The following CPS1 variants were observed in gnomAD, a reference collection of about 807,000 sequenced individuals.
CPS1 encodes carbamoyl-phosphate synthase [ammonia], mitochondrial.
CPS1 carries 109 observed loss-of-function variants against 174.6 expected under a neutral mutation model. The ratio of observed to expected loss-of-function variants is 0.62; its 90% CI spans 0.53 to 0.73. CPS1 has a LOEUF of 0.73. Ranked by LOEUF, CPS1 falls within the 30% of genes least tolerant of loss-of-function variation. The pLI, the probability that CPS1 is intolerant of heterozygous loss-of-function variation, is 0.00. For synonymous variants in CPS1, 637 were observed against 632.0 expected (o/e 1.01, Z -0.12); for missense variants, 1,689 against 1,821.9 (o/e 0.93, Z 1.33).
At chr2:210,494,921 T>C (rs1304809692) in intron 1 of CPS1, among the ~76,000 whole-genome samples, 1 of 152,210 alleles carries the variant, frequency 6.6e-6, no homozygotes, top group Non-Finnish European at 1.5e-5. Context: ...TATAAGGCAA[T>C]GGCTTTCAGC....
chr2:210,656,417 A>T, intron 29 of CPS1, 108 bp from the exon 30 acceptor site: 1 of 759,004 alleles, frequency 1.3e-6, no homozygotes, highest in Middle Eastern at 2.8e-4. Context: ...GGAACTACTT[A>T]GTGCTCAGTG....
chr2:210,637,925 G>T lies in CPS1; in HGVS notation c.2829+82G>T, dbSNP rs564191880. 12 of 1,488,974 alleles carry T rather than the reference G, an allele frequency of 8.1e-6. No homozygotes were observed. The African/African-American group carries it at 1.7e-4, about 21-fold the overall frequency. 92.2% of individuals were successfully genotyped at this position (1,488,974 alleles called of 1,614,324 possible). A position where few individuals can be genotyped will look rare whatever the true frequency, so the allele number is the denominator to read the frequency against. On this transcript the variant is annotated intron_variant, in intron 22 of 37. Coordinates refer to ENST00000233072, the MANE Select transcript of CPS1 (RefSeq NM_001875.5). ...GTAGGCACCCATTCAAAAGGCCATTGTTAATAAAAAGAGGAGTGGAATTAA... is the reference window on the plus strand; with the variant it reads ...GTAGGCACCCATTCAAAAGGCCATTTTTAATAAAAAGAGGAGTGGAATTAA...
At chr2:210,542,557 C>T (rs1308389806) in intron 1 of CPS1, among the ~76,000 whole-genome samples, 2 of 152,032 alleles carry the variant, frequency 1.3e-5, no homozygotes, top group African/African-American at 2.4e-5. Flanking sequence ...CCCCTCCTAA[C>T]AAAAACCAAT....
chr2:210,671,984 G>A (rs1013170895), intron 34 of CPS1: 1 of 152,088 alleles, frequency 6.6e-6, no homozygotes, highest in African/African-American at 2.4e-5. Context: ...ATGAGTGAAC[G>A]ATAGTCTTCC....
chr2:210,640,031 G>T lies in CPS1; in HGVS notation c.2931G>T (p.Met977Ile). The change falls in exon 24 of 38, where the codon ATG (methionine) becomes ATT (isoleucine). Residue 977 changes from methionine (M) to isoleucine (I), a missense_variant. By Grantham distance (10) the Met-to-Ile change is conservative (BLOSUM62 1). Transcript: ENST00000233072. ...HDVNFDDHGM[M>I]VLGCGPYHIG... The stretch of plus-strand genomic sequence containing the variant: ...TCAATTTTGATGACCATGGAATGAT[G>T]GTGCTAGGCTGTGGTCCATATCACA... 1 of 1,611,058 alleles carries T rather than the reference G, an allele frequency of 6.2e-7. No homozygotes were observed. The highest frequency in any genetic ancestry group is 1.7e-5 in the Admixed American group (1 of 60,016).
intron 1 of CPS1, among the ~76,000 whole-genome samples, chr2:210,480,041 AAAAC>A (rs545340368): frequency 1.3e-5 from 2 of 152,206 alleles, no homozygotes; most frequent in Non-Finnish European, 2.9e-5. Context: ...AAGAGGCCTC[AAAAC>A]ATAATCTCCA....
chr2:210,507,793 G>T (rs1174192736), intron 1 of CPS1, among the ~76,000 whole-genome samples: 2 of 152,068 alleles, frequency 1.3e-5, no homozygotes, highest in Non-Finnish European at 2.9e-5. Flanking sequence ...GCCATTACAT[G>T]ATGGTAAAGG....
chr2:210,674,751 G>A, intron 34 of CPS1, 151 bp from the exon 35 acceptor site: 1 of 698,516 alleles, frequency 1.4e-6, no homozygotes, highest in Non-Finnish European at 2.6e-6. Context: ...ACTCACCATA[G>A]AAGGATAAAA....
chr2:210,655,982 T>C (rs1435322836), intron 29 of CPS1, among the ~76,000 whole-genome samples: 1 of 152,162 alleles, frequency 6.6e-6, no homozygotes, highest in East Asian at 1.9e-4. Flanking sequence ...ACCTGGGTTA[T>C]TTATTATTAC....
At chr2:210,665,161 C>T (rs1701049945) in intron 33 of CPS1, among the ~76,000 whole-genome samples, 1 of 152,022 alleles carries the variant, frequency 6.6e-6, no homozygotes, top group South Asian at 2.1e-4. Flanking sequence ...AGTTAGTTGC[C>T]CAGTACTTGA....
At chr2:210,511,783 C>G (rs923077506) in intron 1 of CPS1, among the ~76,000 whole-genome samples, 1 of 152,044 alleles carries the variant, frequency 6.6e-6, no homozygotes, top group African/African-American at 2.4e-5. Context: ...TGAGGGAGGA[C>G]TATAGACTAA....
At chr2:210,508,117 C>A (rs1224380308) in intron 1 of CPS1, among the ~76,000 whole-genome samples, 1 of 150,590 alleles carries the variant, frequency 6.6e-6, no homozygotes, top group Admixed American at 6.6e-5. Context: ...AAATTGACCA[C>A]ATAGTTGGAA....
At chr2:210,591,366 C>G (rs534948615) in intron 9 of CPS1, among the ~76,000 whole-genome samples, 33 of 151,820 alleles carry the variant, frequency 2.2e-4, no homozygotes, top group African/African-American at 8.0e-4. Flanking sequence ...TCTTTTTTGC[C>G]TCAAACAATA....
chr2:210,526,016 T>C (rs946884938), intron 1 of CPS1, among the ~76,000 whole-genome samples: 1 of 151,596 alleles, frequency 6.6e-6, no homozygotes, highest in Middle Eastern at 3.2e-3. Context: ...GAGATGAGCA[T>C]GGAAAGGGAG....
chr2:210,485,929 A>G (rs1694703809), intron 1 of CPS1, among the ~76,000 whole-genome samples: 1 of 151,970 alleles, frequency 6.6e-6, no homozygotes, highest in African/African-American at 2.4e-5. Context: ...ACTTGTCAAT[A>G]CTTGGTATAT....
Position 210,503,425 on chromosome 2 carries a change from C to A in CPS1, c.3+25659C>A, listed in dbSNP as rs370005268. On this transcript the variant is annotated intron_variant, in intron 1 of 38. Coordinates refer to the CPS1 transcript ENST00000430249. ...CGTCTGAAGGGAGAAAGTAAAACCCCCGGCATAAATATTAGTTCACATTTT... is the reference window on the plus strand; with the variant it reads ...CGTCTGAAGGGAGAAAGTAAAACCCACGGCATAAATATTAGTTCACATTTT... Among the ~76,000 whole-genome samples, 13 of 152,214 alleles carry A rather than the reference C, an allele frequency of 8.5e-5. No individual in the cohort carries two copies. The East Asian group carries it at 2.3e-3, about 27-fold the overall frequency.
In CPS1 at chr2:210,650,365, G is replaced by A. The variant is rs768348993; in HGVS notation, c.3407G>A (p.Gly1136Glu). ...TTTTTTTCCCCTTCCTTTTCCAGTG[G>A]GTCTGCTATGAATGTGGTATTCTCT... ...CLLRPSYVLSGSAMNVVFSED... is the reference protein window; with the variant it reads ...CLLRPSYVLSESAMNVVFSED... Residue 1136 changes from glycine (G) to glutamate (E), a missense_variant and splice_region_variant, in exon 28 of 38, where the codon GGG (glycine) becomes GAG (glutamate). Coordinates refer to ENST00000233072, the MANE Select transcript of CPS1 (RefSeq NM_001875.5). 1 of 1,613,214 alleles carries A rather than the reference G, an allele frequency of 6.2e-7. No individual in the cohort carries two copies. The highest frequency in any genetic ancestry group is 8.5e-7 in the Non-Finnish European group (1 of 1,179,380).
chr2:210,498,215 T>C (rs998467850), intron 1 of CPS1, among the ~76,000 whole-genome samples: 3 of 152,054 alleles, frequency 2.0e-5, no homozygotes, highest in African/African-American at 4.8e-5. Flanking sequence ...AGATGACATA[T>C]GTTGTATGTC....
intron 1 of CPS1, among the ~76,000 whole-genome samples, chr2:210,572,008 G>A (rs1325263283): frequency 6.6e-6 from 1 of 151,530 alleles, no homozygotes; most frequent in Non-Finnish European, 1.5e-5. Context: ...TGAAGAATTA[G>A]TATTTTTTTT....
Sources: gnomAD v4.1 joint callset for allele counts (sites outside exome capture counted in the v4.1 genomes callset) on GRCh38, gnomAD v4.1.1 for gene constraint, MANE v1.5 for transcripts, NCBI Gene and HGNC (gene_info 2026-07-23, HGNC 2026-07-21) for gene names.